CCDC14: variants seen among roughly 807,000 people sequenced by gnomAD.
CCDC14 encodes the protein coiled-coil domain containing 14, also known as coiled-coil domain-containing protein 14.
In CCDC14, 71 loss-of-function variants were observed where a neutral mutation model predicts 81.4. The observed-to-expected ratio is 0.87, with a 90% CI of 0.72 to 1.06. The LOEUF is 1.06. Among genes scored for constraint, CCDC14 ranks in the 50% least tolerant of loss-of-function variants. The pLI is 0.00. For missense variants in CCDC14, 1,046 were observed against 1,047.3 expected, an observed-to-expected ratio of 1.00 and a Z score of 0.02; for synonymous variants, 332 against 364.8, an observed-to-expected ratio of 0.91 and a Z score of 1.03.
At chr3:123,911,266 T>G (rs896711369), downstream of CCDC14, among the ~76,000 whole-genome samples, 1 of 152,216 alleles carries the variant, frequency 6.6e-6, no homozygotes, top group African/African-American at 2.4e-5. Context: ...ACAACAGCTT[T>G]AAATAAAATA....
At chr3:123,891,260 C>T in the CCDC14 span, among the ~76,000 whole-genome samples, 1 of 152,220 alleles carries the variant, frequency 6.6e-6, no homozygotes, top group Admixed American at 6.5e-5. Context: ...GACATTTTCC[C>T]CATTGTCATG....
intron 10 of CCDC14, among the ~76,000 whole-genome samples, chr3:123,932,878 C>G (rs1419222921): frequency 1.3e-5 from 2 of 152,084 alleles, no homozygotes; most frequent in Non-Finnish European, 2.9e-5. Context: ...GTGAGTGGAT[C>G]ACTTGAGGTC....
chr3:123,917,095 G>A (rs1438218225), intron 12 of CCDC14, among the ~76,000 whole-genome samples: 5 of 151,460 alleles, frequency 3.3e-5, no homozygotes, highest in Admixed American at 2.0e-4. Context: ...CACCCGCCTC[G>A]GCCTCCCAAA....
chr3:123,942,021 C>T (rs2036374977), intron 9 of CCDC14, among the ~76,000 whole-genome samples: 1 of 151,948 alleles, frequency 6.6e-6, no homozygotes, highest in African/African-American at 2.4e-5. Flanking sequence ...GAATGGCTTA[C>T]AATACATTCT....
intron 2 of CCDC14, 21 bp from the exon 3 acceptor site, chr3:123,956,448 T>A: frequency 6.7e-7 from 1 of 1,493,654 alleles, no homozygotes; most frequent in Non-Finnish European, 9.1e-7. Flanking sequence ...AGCTTATTAA[T>A]ATTCTTACAA....
chr3:123,960,307 C>A (rs1333394334), intron 1 of CCDC14, among the ~76,000 whole-genome samples: 2 of 152,054 alleles, frequency 1.3e-5, no homozygotes, highest in Admixed American at 6.6e-5. Context: ...TAATCCATAC[C>A]CTGTGAGTTA....
intron 1 of CCDC14, chr3:123,958,143 T>A (rs2037447689): frequency 6.6e-6 from 1 of 152,124 alleles, no homozygotes; most frequent in Non-Finnish European, 1.5e-5. Context: ...AGACCTTGTA[T>A]AACATCACAC....
intron 5 of CCDC14, among the ~76,000 whole-genome samples, chr3:123,902,705 C>T (rs2034201935): frequency 6.6e-6 from 1 of 152,116 alleles, no homozygotes; most frequent in Admixed American, 6.6e-5. Context: ...ACTTGTGTAC[C>T]TTTATTTGTG....
intron 1 of CCDC14, chr3:123,957,009 T>C: frequency 5.6e-6 from 2 of 358,250 alleles, no homozygotes; most frequent in Non-Finnish European, 5.0e-6. Flanking sequence ...CTAGAAACTT[T>C]ATATAACTGA....
At chr3:123,902,813 T>A (rs1206781101) in intron 5 of CCDC14, among the ~76,000 whole-genome samples, 35 of 152,176 alleles carry the variant, frequency 2.3e-4, no homozygotes, top group Non-Finnish European at 8.8e-5. Flanking sequence ...TTTTAAAAAA[T>A]TTTTTTACTG....
chr3:123,913,977 C>T lies in CCDC14; in HGVS notation c.*802G>A, dbSNP rs1000359998. ...TAACATGCTGGGAGAAAAAATTCTT[C>T]CAAAAAGGCAGAATTACAATCAATG... On this transcript the variant is annotated 3_prime_UTR_variant, in exon 13 of 13. Coordinates refer to ENST00000409697, the MANE Select transcript of CCDC14 (RefSeq NM_001366335.1). The T allele has an allele frequency of 1.0e-6, 1 of 985,418 alleles. No individual in the cohort carries two copies. Among genetic ancestry groups the T allele is most frequent in the Non-Finnish European group, 1.2e-6 (1 of 829,748 alleles). 61.0% of individuals were successfully genotyped at this position (985,418 alleles called of 1,614,324 possible). A position where few individuals can be genotyped will look rare whatever the true frequency, so the allele number is the denominator to read the frequency against.
chr3:123,946,532 T>TC (rs1308336134), intron 8 of CCDC14, among the ~76,000 whole-genome samples: 1 of 152,142 alleles, frequency 6.6e-6, no homozygotes, highest in Non-Finnish European at 1.5e-5. Context: ...TCTCTTTGGT[T>TC]GACTCTTTTC....
intron 5 of CCDC14, among the ~76,000 whole-genome samples, chr3:123,907,409 G>A (rs938920770): frequency 3.9e-5 from 6 of 151,914 alleles, no homozygotes; most frequent in Admixed American, 6.6e-5. Context: ...ACAAACTAAG[G>A]ATTTAAAACT....
intron 5 of CCDC14, among the ~76,000 whole-genome samples, chr3:123,906,119 G>A (rs971468343): frequency 2.6e-5 from 4 of 152,042 alleles, no homozygotes; most frequent in Admixed American, 1.3e-4. Flanking sequence ...CATGAGGTCA[G>A]GAGATCGAGA....
chr3:123,897,701 T>C (rs2148754871), intron 5 of CCDC14: 1 of 602,726 alleles, frequency 1.7e-6, no homozygotes. Context: ...CCTTCCTTCA[T>C]ATTCTACTTT....
rs754428441 is a variant in CCDC14 at position 123,931,139 on chromosome 3, G to A, written c.1741C>T (p.Arg581Cys). 6 of 1,608,578 alleles carry A rather than the reference G, an allele frequency of 3.7e-6. No homozygotes were observed. In the African/African-American group the frequency reaches 5.4e-5, roughly 14 times the overall value. ...NQILGITLRQ[R>C]DAEVTRLREL... is the part of the protein sequence containing the mutation. Reference sequence around the variant, plus strand: ...CTTAGTCGAGTCACCTCAGCATCACGCTGACGTAATGTTATCCCCAATATC... The same window carrying A: ...CTTAGTCGAGTCACCTCAGCATCACACTGACGTAATGTTATCCCCAATATC... The change falls in exon 12 of 13, where the codon CGT becomes TGT. Residue 581 changes from arginine to cysteine, a missense_variant. Coordinates refer to ENST00000409697, the MANE Select transcript of CCDC14 (RefSeq NM_001366335.1).
intron 5 of CCDC14, among the ~76,000 whole-genome samples, chr3:123,905,821 C>T (rs1394122433): frequency 6.6e-6 from 1 of 152,044 alleles, no homozygotes; most frequent in East Asian, 1.9e-4. Context: ...ACAGTCCATG[C>T]TAAAGGTATC....
chr3:123,942,050 C>A (rs530271001), intron 9 of CCDC14, among the ~76,000 whole-genome samples: 1 of 151,930 alleles, frequency 6.6e-6, no homozygotes, highest in South Asian at 2.1e-4. Context: ...CAAAATACAC[C>A]TAAATAGTGA....
intron 12 of CCDC14, among the ~76,000 whole-genome samples, chr3:123,918,142 A>G (rs1468548705): frequency 6.6e-6 from 1 of 152,228 alleles, no homozygotes; most frequent in Non-Finnish European, 1.5e-5. Flanking sequence ...AATGCTAAAA[A>G]GAAATCTCTA....
Sources: allele counts gnomAD v4.1 joint callset (sites outside exome capture counted in the v4.1 genomes callset), GRCh38; gene constraint gnomAD v4.1.1; transcripts MANE v1.5; gene names NCBI Gene and HGNC (gene_info 2026-07-23, HGNC 2026-07-21).